NRG3: variants seen among roughly 807,000 people sequenced by gnomAD.
The protein encoded by NRG3 is neuregulin 3.
A neutral mutation model predicts 66.9 loss-of-function variants in NRG3; 31 were observed. The observed-to-expected ratio is 0.46, with a 90% confidence interval of 0.35 to 0.63. The LOEUF is 0.63. NRG3 is among the 20% of genes least tolerant of loss of function. The probability of loss-of-function intolerance (pLI) is 0.00; values close to 1 mark genes in which losing one functional copy is unlikely to be tolerated. For missense variants in NRG3, 910 were observed against 878.9 expected (o/e 1.04, Z -0.45); for synonymous variants, 393 against 359.4 (o/e 1.09, Z -1.06).
At chr10:82,690,255 T>G (rs2054820248) in intron 2 of NRG3, among the ~76,000 whole-genome samples, 1 of 149,252 alleles carries the variant, frequency 6.7e-6, no homozygotes, top group Non-Finnish European at 1.5e-5. Context: ...AGAGTGTTTT[T>G]CTTAAACTTA....
intron 4 of NRG3, among the ~76,000 whole-genome samples, chr10:82,892,903 A>G (rs929076722): frequency 6.6e-6 from 1 of 151,956 alleles, no homozygotes; most frequent in Non-Finnish European, 1.5e-5. Context: ...TTGTGAAGGT[A>G]TATGTACCTC....
chr10:82,970,127 T>G (rs1269489793), intron 6 of NRG3, among the ~76,000 whole-genome samples: 1 of 152,228 alleles, frequency 6.6e-6, no homozygotes, highest in Non-Finnish European at 1.5e-5. Flanking sequence ...ATTATTATTT[T>G]GAACTTTTGC....
intron 4 of NRG3, among the ~76,000 whole-genome samples, chr10:82,896,337 G>A (rs1453484303): frequency 6.6e-6 from 1 of 152,172 alleles, no homozygotes; most frequent in African/African-American, 2.4e-5. Context: ...ACACTTGGTG[G>A]AACCAGGCTC....
chr10:82,718,251 T>A (rs951802385), intron 2 of NRG3, among the ~76,000 whole-genome samples: 1 of 152,202 alleles, frequency 6.6e-6, no homozygotes, highest in Non-Finnish European at 1.5e-5. Context: ...TTTTACTTTA[T>A]CATCCCTTGC....
At chr10:81,959,178 G>A (rs1173716362) in intron 1 of NRG3, among the ~76,000 whole-genome samples, 2 of 152,196 alleles carry the variant, frequency 1.3e-5, no homozygotes, top group East Asian at 1.9e-4. Context: ...ATAGTCATCT[G>A]ATGACAGGAA....
chr10:82,941,019 G>T (rs750484585), intron 4 of NRG3, among the ~76,000 whole-genome samples: 7 of 152,046 alleles, frequency 4.6e-5, no homozygotes, highest in Non-Finnish European at 1.0e-4. Context: ...AGTAGAAAAA[G>T]GGAAGGTGCT....
intron 1 of NRG3, among the ~76,000 whole-genome samples, chr10:82,213,670 G>A (rs192457352): frequency 6.6e-6 from 1 of 152,258 alleles, no homozygotes; most frequent in East Asian, 1.9e-4. Context: ...TATGTTTACT[G>A]TGTATCCCAG....
chr10:82,678,653 C>T (rs757074589), intron 2 of NRG3, among the ~76,000 whole-genome samples: 9 of 152,140 alleles, frequency 5.9e-5, no homozygotes, highest in African/African-American at 9.7e-5. Flanking sequence ...GACCATCACC[C>T]GACGGTCGCC....
intron 1 of NRG3, among the ~76,000 whole-genome samples, chr10:81,983,468 C>A (rs1415958425): frequency 6.6e-6 from 1 of 152,046 alleles, no homozygotes; most frequent in East Asian, 1.9e-4. Context: ...AGACTGTTTT[C>A]TTTTGGAATG....
intron 1 of NRG3, among the ~76,000 whole-genome samples, chr10:81,928,035 C>T (rs894015146): frequency 6.6e-6 from 1 of 152,154 alleles, no homozygotes; most frequent in African/African-American, 2.4e-5. Flanking sequence ...CAAATCAATA[C>T]ATCTTTACAA....
At chr10:82,141,151 A>G (rs1025647769) in intron 1 of NRG3, among the ~76,000 whole-genome samples, 5 of 152,202 alleles carry the variant, frequency 3.3e-5, no homozygotes, top group African/African-American at 1.2e-4. Flanking sequence ...ATTGAGCTTC[A>G]TATAGGTAGA....
At chr10:82,363,246 C>T (rs1462649174) in intron 2 of NRG3, among the ~76,000 whole-genome samples, 2 of 152,146 alleles carry the variant, frequency 1.3e-5, no homozygotes, top group Admixed American at 6.5e-5. Flanking sequence ...AACAAATATA[C>T]TCAGCCTCAC....
chr10:82,819,689 G>C, intron 3 of NRG3, among the ~76,000 whole-genome samples: 1 of 152,132 alleles, frequency 6.6e-6, no homozygotes, highest in East Asian at 1.9e-4. Flanking sequence ...AGTCATTAGT[G>C]GTGTTTGTGC....
intron 2 of NRG3, among the ~76,000 whole-genome samples, chr10:82,509,168 A>G (rs1005492778): frequency 6.6e-6 from 1 of 152,060 alleles, no homozygotes; most frequent in Admixed American, 6.6e-5. Flanking sequence ...TTCACCGTCT[A>G]ACTAGTTTTC....
chr10:82,920,433 G>A (rs1296593740), intron 4 of NRG3, among the ~76,000 whole-genome samples: 4 of 151,974 alleles, frequency 2.6e-5, no homozygotes, highest in Non-Finnish European at 1.5e-5. Flanking sequence ...TATTTAGATC[G>A]ACATATATAT....
intron 1 of NRG3, among the ~76,000 whole-genome samples, chr10:82,175,625 T>G (rs2072968739): frequency 6.6e-6 from 1 of 152,224 alleles, no homozygotes; most frequent in South Asian, 2.1e-4. Context: ...TTCCATAACA[T>G]GTTCTACAAA....
chr10:82,503,521 T>C (rs1391403597), intron 2 of NRG3, among the ~76,000 whole-genome samples: 5 of 152,194 alleles, frequency 3.3e-5, no homozygotes, highest in Admixed American at 2.0e-4. Flanking sequence ...TCAATCAACA[T>C]ATATCTATAA....
intron 1 of NRG3, among the ~76,000 whole-genome samples, chr10:82,272,163 T>C (rs1164389010): frequency 5.3e-5 from 8 of 152,036 alleles, no homozygotes; most frequent in Middle Eastern, 6.3e-3. Flanking sequence ...ATTTTTGAAT[T>C]GTGGCGAGAG....
intron 1 of NRG3, among the ~76,000 whole-genome samples, chr10:82,146,258 AT>A (rs138765967): frequency 5.5e-4 from 84 of 152,240 alleles, no homozygotes; most frequent in African/African-American, 2.0e-3. Context: ...CTAAACTTAG[AT>A]TGTTTATAGA....
Sources: gnomAD v4.1 joint callset for allele counts (sites outside exome capture counted in the v4.1 genomes callset) on GRCh38, gnomAD v4.1.1 for gene constraint, MANE v1.5 for transcripts, NCBI Gene and HGNC (gene_info 2026-07-23, HGNC 2026-07-21) for gene names.